Variants in ASB3 observed in about 807,000 individuals in gnomAD.
The protein encoded by ASB3 is ankyrin repeat and SOCS box protein 3.
A neutral mutation model predicts 54.5 loss-of-function variants in ASB3; 41 were observed. The observed-to-expected ratio is 0.75, with a 90% CI of 0.59 to 0.98. The LOEUF (loss-of-function observed/expected upper bound fraction) is 0.98, where lower values mean the gene tolerates loss of function less well. Among genes scored for constraint, ASB3 ranks in the 50% least tolerant of loss-of-function variants. The pLI is 0.00. For synonymous variants in ASB3, 266 were observed against 221.2 expected (o/e 1.20, Z -1.80); for missense variants, 733 against 620.0 (o/e 1.18, Z -1.94).
At position 53,670,261 on chromosome 2, in the gene ASB3, C is replaced by T; in HGVS notation, c.*242G>A. The T allele has an allele frequency of 2.8e-6, 1 of 359,594 alleles. No homozygotes were observed. Among genetic ancestry groups the T allele is most frequent in the Non-Finnish European group, 4.9e-6 (1 of 205,788 alleles). The allele number at this position is 359,594 out of a possible 1,614,324, so 22.3% of individuals were successfully genotyped here. A position where few individuals can be genotyped will look rare whatever the true frequency, so the allele number is the denominator to read the frequency against. Reference sequence around the variant, plus strand: ...AACATATAATGTACTGGTGATGAAGCTGCAATAAAGTAATATAAGTGATGT... The same window carrying T: ...AACATATAATGTACTGGTGATGAAGTTGCAATAAAGTAATATAAGTGATGT... On this transcript the variant is annotated 3_prime_UTR_variant, in exon 10 of 10. Transcript: ENST00000263634.
Position 53,714,447 on chromosome 2 carries a change from G to C in ASB3, c.917C>G (p.Pro306Arg). 6.2e-7 allele frequency: 1 copy of C among 1,614,236 alleles called. No individual in the cohort carries two copies. Among genetic ancestry groups the C allele is most frequent in the Non-Finnish European group, 8.5e-7 (1 of 1,180,028 alleles). The change falls in exon 7 of 10, where the codon CCA (proline) becomes CGA (arginine). Residue 306 changes from proline (P) to arginine (R), a missense_variant. Transcript: ENST00000263634. ...LEILLRNGYS[P>R]DAQACLVFGF... Reference sequence around the variant, plus strand: ...AAAAACAAGGCACGCCTGGGCGTCTGGGCTGTAGCCATTCCGGAGTAATAT... The same window carrying C: ...AAAAACAAGGCACGCCTGGGCGTCTCGGCTGTAGCCATTCCGGAGTAATAT...
intron 3 of ASB3, among the ~76,000 whole-genome samples, chr2:53,731,194 G>C (rs1327404145): frequency 6.6e-6 from 1 of 152,178 alleles, no homozygotes; most frequent in East Asian, 1.9e-4. Context: ...GAGTTCAGGA[G>C]ATCGAGACCA....
chr2:53,721,310 T>C (rs1670694903), intron 5 of ASB3, among the ~76,000 whole-genome samples: 1 of 150,902 alleles, frequency 6.6e-6, no homozygotes, highest in Non-Finnish European at 1.5e-5. Context: ...ATCCTAGCAT[T>C]TTGGGAGGCC....
At chr2:53,674,010 T>C (rs566984139) in intron 9 of ASB3, among the ~76,000 whole-genome samples, 1 of 152,336 alleles carries the variant, frequency 6.6e-6, no homozygotes, top group Non-Finnish European at 1.5e-5. Context: ...TTTATAACCA[T>C]ATATGCAATA....
intron 8 of ASB3, among the ~76,000 whole-genome samples, chr2:53,696,742 C>G (rs1057165938): frequency 6.6e-6 from 1 of 152,044 alleles, no homozygotes; most frequent in Non-Finnish European, 1.5e-5. Context: ...AAAAATAACA[C>G]AAATTTAAAA....
chr2:53,707,819 G>A lies in ASB3; in HGVS notation c.980+6565C>T, dbSNP rs187256454. Among the ~76,000 whole-genome samples, 34 of 151,782 alleles carry A rather than the reference G, an allele frequency of 2.2e-4. No homozygotes were observed. The South Asian group carries it at 2.5e-3, about 11-fold the overall frequency. Reference sequence around the variant, plus strand: ...TCTACTAAAAATACAAAAATTAGCCGGGTATGGTGTCACATACCTGTAATC... The same window carrying A: ...TCTACTAAAAATACAAAAATTAGCCAGGTATGGTGTCACATACCTGTAATC... On this transcript the variant is annotated intron_variant, in intron 7 of 9. Transcript: ENST00000263634.
At chr2:53,763,190 C>T (rs367634941) in intron 2 of ASB3, among the ~76,000 whole-genome samples, 4 of 152,058 alleles carry the variant, frequency 2.6e-5, no homozygotes, top group African/African-American at 4.8e-5. Context: ...AGACCAGCCT[C>T]GGCAACAAAG....
intron 8 of ASB3, among the ~76,000 whole-genome samples, chr2:53,695,727 C>T (rs1226601232): frequency 2.0e-5 from 3 of 152,052 alleles, no homozygotes; most frequent in South Asian, 2.1e-4. Context: ...CAATCATAAA[C>T]GAGTGACATT....
intron 2 of ASB3, among the ~76,000 whole-genome samples, chr2:53,759,396 G>C (rs189299989): frequency 2.6e-5 from 4 of 152,322 alleles, no homozygotes; most frequent in African/African-American, 4.8e-5. Context: ...TCTGTCGCAT[G>C]ACTCTATTGA....
At chr2:53,714,629 A>AG in intron 6 of ASB3, 48 bp from the exon 7 acceptor site, 16 of 1,572,674 alleles carry the variant, frequency 1.0e-5, no homozygotes, top group Non-Finnish European at 1.4e-5. Context: ...ATATGTGCAT[A>AG]AATGTAGGCA....
chr2:53,709,938 G>A (rs1295711561), intron 7 of ASB3, among the ~76,000 whole-genome samples: 1 of 152,188 alleles, frequency 6.6e-6, no homozygotes, highest in Admixed American at 6.5e-5. Flanking sequence ...GGATACTGCA[G>A]CCGTCCTGTG....
At chr2:53,747,113 C>T (rs2103991008) in intron 3 of ASB3, among the ~76,000 whole-genome samples, 1 of 152,154 alleles carries the variant, frequency 6.6e-6, no homozygotes, top group South Asian at 2.1e-4. Flanking sequence ...AAAGTAGGCA[C>T]AATACTGAAT....
intron 3 of ASB3, among the ~76,000 whole-genome samples, chr2:53,733,602 C>A (rs980843922): frequency 6.6e-6 from 1 of 152,068 alleles, no homozygotes; most frequent in Non-Finnish European, 1.5e-5. Context: ...ACACCACACC[C>A]ACCTAATTTT....
intron 9 of ASB3, among the ~76,000 whole-genome samples, chr2:53,678,068 C>G (rs537565184): frequency 6.6e-6 from 1 of 151,586 alleles, no homozygotes; most frequent in South Asian, 2.1e-4. Context: ...GTTGATATAC[C>G]TACCATAATG....
At chr2:53,671,763 A>AG (rs1278416174) in intron 9 of ASB3, among the ~76,000 whole-genome samples, 1 of 147,542 alleles carries the variant, frequency 6.8e-6, no homozygotes, top group Non-Finnish European at 1.5e-5. Flanking sequence ...CCTTCTCAAA[A>AG]AAAAAAAGAA....
intron 1 of ASB3, among the ~76,000 whole-genome samples, chr2:53,770,889 A>AC (rs141282758): frequency 1.3e-3 from 204 of 152,362 alleles, no homozygotes; most frequent in Non-Finnish European, 2.0e-3. Context: ...AGAAATGCCT[A>AC]CCTTGAAGCA....
intron 8 of ASB3, among the ~76,000 whole-genome samples, chr2:53,696,852 A>G (rs1209131851): frequency 6.6e-6 from 1 of 152,228 alleles, no homozygotes; most frequent in Admixed American, 6.5e-5. Flanking sequence ...TAGACTAGAC[A>G]CAAATACTAT....
intron 5 of ASB3, among the ~76,000 whole-genome samples, chr2:53,720,894 T>C (rs538488310): frequency 3.3e-5 from 5 of 152,144 alleles, no homozygotes; most frequent in African/African-American, 1.2e-4. Context: ...GATGGGCAGA[T>C]CACTTGAAGG....
At chr2:53,707,424 CTG>C (rs546528639) in intron 7 of ASB3, among the ~76,000 whole-genome samples, 1 of 151,962 alleles carries the variant, frequency 6.6e-6, no homozygotes, top group Non-Finnish European at 1.5e-5. Flanking sequence ...GGGCAGATCA[CTG>C]GAGCTCAGGA....
Sources: allele counts gnomAD v4.1 joint callset (sites outside exome capture counted in the v4.1 genomes callset), GRCh38; gene constraint gnomAD v4.1.1; transcripts MANE v1.5; gene names NCBI Gene and HGNC (gene_info 2026-07-23, HGNC 2026-07-21).